Variants in ATP6V1E1 observed in about 807,000 individuals in gnomAD.
The protein encoded by ATP6V1E1 is V-type proton ATPase subunit E 1.
In ATP6V1E1, 21 loss-of-function variants were observed where a neutral mutation model predicts 35.2. The ratio of observed to expected loss-of-function variants is 0.60; its 90% CI spans 0.42 to 0.86. The LOEUF is 0.86. Among genes scored for constraint, ATP6V1E1 ranks in the 40% least tolerant of loss-of-function variants. The probability of loss-of-function intolerance (pLI) is 0.00; values close to 1 mark genes in which losing one functional copy is unlikely to be tolerated. For synonymous variants in ATP6V1E1, 83 were observed against 87.8 expected, an observed-to-expected ratio of 0.95 and a Z score of 0.30; for missense variants, 183 against 272.6, an observed-to-expected ratio of 0.67 and a Z score of 2.32.
chr22:17,614,981 C>T (rs912349949), intron 2 of ATP6V1E1, among the ~76,000 whole-genome samples: 2 of 150,886 alleles, frequency 1.3e-5, no homozygotes, highest in Admixed American at 1.3e-4. Context: ...TTTTTTCCCT[C>T]ATGGGTAAGT....
chr22:17,616,823 C>A (rs1206849381), intron 2 of ATP6V1E1, among the ~76,000 whole-genome samples: 1 of 65,406 alleles, frequency 1.5e-5, no homozygotes, highest in Admixed American at 1.3e-4. Flanking sequence ...CCGAGGCGGG[C>A]GGATCACGAG....
At chr22:17,598,996 G>A (rs1168440645) in intron 6 of ATP6V1E1, among the ~76,000 whole-genome samples, 1 of 152,160 alleles carries the variant, frequency 6.6e-6, no homozygotes, top group Non-Finnish European at 1.5e-5. Flanking sequence ...TACAAAGGAA[G>A]GCCATTCTGA....
intron 1 of ATP6V1E1, among the ~76,000 whole-genome samples, chr22:17,623,627 C>T (rs2057889032): frequency 6.7e-6 from 1 of 150,366 alleles, no homozygotes; most frequent in African/African-American, 2.5e-5. Context: ...GCCAAGATCA[C>T]GCCTGGGTGA....
intron 7 of ATP6V1E1, among the ~76,000 whole-genome samples, chr22:17,595,941 T>C (rs1044627927): frequency 1.3e-5 from 2 of 151,344 alleles, no homozygotes; most frequent in African/African-American, 4.9e-5. Flanking sequence ...CAATCCTGGC[T>C]AACAAGGTGA....
intron 1 of ATP6V1E1, among the ~76,000 whole-genome samples, chr22:17,621,413 C>A (rs147420127): frequency 6.6e-6 from 1 of 152,084 alleles, no homozygotes; most frequent in African/African-American, 2.4e-5. Context: ...ACAGCTCAAG[C>A]GATCCCCCCG....
chr22:17,603,896 C>T (rs2057773197), intron 4 of ATP6V1E1, among the ~76,000 whole-genome samples: 1 of 152,192 alleles, frequency 6.6e-6, no homozygotes, highest in South Asian at 2.1e-4. Flanking sequence ...ACTGGTCACA[C>T]AGACAGGGAT....
chr22:17,617,712 G>A (rs555781207), intron 2 of ATP6V1E1, among the ~76,000 whole-genome samples: 1 of 152,282 alleles, frequency 6.6e-6, no homozygotes, highest in Non-Finnish European at 1.5e-5. Context: ...ATGTACAACT[G>A]GAAATATATA....
chr22:17,617,676 T>C (rs1258055854), intron 2 of ATP6V1E1, among the ~76,000 whole-genome samples: 1 of 152,174 alleles, frequency 6.6e-6, no homozygotes, highest in Non-Finnish European at 1.5e-5. Context: ...TGACATACTG[T>C]TAAGGAATAT....
chr22:17,627,691 C>A lies in ATP6V1E1; in HGVS notation c.33+912G>T, dbSNP rs951838919. ...ACAAAAATTAGCCGGGCTTGGGGCG[C>A]GAGTCTGTAATCCCAGCTTCTAGGG... On this transcript the variant is annotated intron_variant, in intron 1 of 8. Coordinates refer to ENST00000253413, the MANE Select transcript of ATP6V1E1 (RefSeq NM_001696.4). Among the ~76,000 whole-genome samples the A allele has an allele frequency of 2.7e-5, 4 of 150,418 alleles. No individual in the cohort carries two copies. In the East Asian group the frequency reaches 8.4e-4, roughly 32 times the overall value.
intron 2 of ATP6V1E1, among the ~76,000 whole-genome samples, chr22:17,618,681 C>CAAAAA (rs796136446): frequency 4.1e-5 from 3 of 72,414 alleles, no homozygotes; most frequent in South Asian, 4.3e-4. Flanking sequence ...GACTCCATCT[C>CAAAAA]AAAAAAAAAA....
chr22:17,592,312 A>C lies in ATP6V1E1; in HGVS notation c.*362T>G, dbSNP rs1275095534. ...GGAGTGGTGTGCCACATGCGCCTTA[A>C]GCCTCAAGAGTGGGGACTGCAGGGC... On this transcript the variant is annotated 3_prime_UTR_variant, in exon 9 of 9. Transcript: ENST00000253413. 4.2e-6 allele frequency: 1 copy of C among 235,916 alleles called. No homozygotes were observed. Among genetic ancestry groups the C allele is most frequent in the Non-Finnish European group, 8.4e-6 (1 of 119,070 alleles). The allele number at this position is 235,916 out of a possible 1,614,324, so 14.6% of individuals were successfully genotyped here.
intron 1 of ATP6V1E1, among the ~76,000 whole-genome samples, chr22:17,625,658 GA>G (rs34704869): frequency 6.6e-6 from 1 of 151,144 alleles, no homozygotes; most frequent in African/African-American, 2.4e-5. Context: ...CAGTACTTCA[GA>G]AAAAAAAGGA....
intron 2 of ATP6V1E1, among the ~76,000 whole-genome samples, chr22:17,613,662 G>C (rs1248204365): frequency 6.6e-6 from 1 of 151,688 alleles, no homozygotes; most frequent in East Asian, 1.9e-4. Flanking sequence ...ATATGACACA[G>C]AACTTGAAAG....
intron 4 of ATP6V1E1, among the ~76,000 whole-genome samples, chr22:17,607,119 T>C (rs1796075949): frequency 6.6e-6 from 1 of 152,052 alleles, no homozygotes; most frequent in African/African-American, 2.4e-5. Context: ...TCAAACACAA[T>C]GATTTTTTTC....
chr22:17,607,153 A>G (rs111642869), intron 4 of ATP6V1E1, among the ~76,000 whole-genome samples: 19,396 of 151,172 alleles, frequency 0.13, 1,309 homozygotes, highest in Middle Eastern at 0.22. Flanking sequence ...TGTTCTTCCT[A>G]TATTTCTTTT....
chr22:17,611,531 G>GA (rs1461508657), intron 4 of ATP6V1E1, among the ~76,000 whole-genome samples: 1 of 152,074 alleles, frequency 6.6e-6, no homozygotes, highest in Non-Finnish European at 1.5e-5. Context: ...CTTACATCTG[G>GA]AGGTTTCTTG....
At chr22:17,611,744 G>C (rs1226724989) in intron 4 of ATP6V1E1, among the ~76,000 whole-genome samples, 1 of 152,212 alleles carries the variant, frequency 6.6e-6, no homozygotes, top group Non-Finnish European at 1.5e-5. Flanking sequence ...CAGAGTCAAT[G>C]AATGTCTGGA....
chr22:17,621,487 G>A (rs558657613), intron 1 of ATP6V1E1, among the ~76,000 whole-genome samples: 1 of 152,266 alleles, frequency 6.6e-6, no homozygotes, highest in Admixed American at 6.5e-5. Context: ...GTAGAGAGGG[G>A]TTTTGCCATG....
rs759972810 is a variant in ATP6V1E1 at position 17,612,858 on chromosome 22, T to C, written c.230A>G (p.Asn77Ser). 19 of 1,610,140 alleles carry C rather than the reference T, an allele frequency of 1.2e-5. No homozygotes were observed. The highest frequency in any genetic ancestry group is 2.7e-5 in the African/African-American group (2 of 74,780). ...QKKIQMSNLMNQARLKVLRAR... is the reference protein window; with the variant it reads ...QKKIQMSNLMSQARLKVLRAR... The stretch of plus-strand genomic sequence containing the variant: ...TCTGAGGACTTTGAGTCTCGCTTGA[T>C]TCATCAAATTGGACATCTGACTGCA... Residue 77 changes from asparagine (N) to serine (S), a missense_variant, in exon 4 of 9, where the codon AAT becomes AGT. Asn to Ser is a conservative substitution (Grantham distance 46). Coordinates refer to ENST00000253413, the MANE Select transcript of ATP6V1E1 (RefSeq NM_001696.4).
Sources: allele counts gnomAD v4.1 joint callset (sites outside exome capture counted in the v4.1 genomes callset), GRCh38; gene constraint gnomAD v4.1.1; transcripts MANE v1.5; gene names NCBI Gene and HGNC (gene_info 2026-07-23, HGNC 2026-07-21).